Variants in GLRX3 observed in about 807,000 individuals in gnomAD.
GLRX3 encodes the protein glutaredoxin-3.
A neutral mutation model predicts 49.5 loss-of-function variants in GLRX3; 22 were observed. The ratio of observed to expected loss-of-function variants is 0.44; its 90% CI spans 0.32 to 0.63. GLRX3 has a LOEUF of 0.63. GLRX3 is among the 30% of genes least tolerant of loss of function. GLRX3 has a pLI of 0.05. For synonymous variants in GLRX3, 133 were observed against 140.0 expected, an observed-to-expected ratio of 0.95 and a Z score of 0.35; for missense variants, 385 against 396.3, an observed-to-expected ratio of 0.97 and a Z score of 0.24.
chr10:130,175,187 C>T, intron 10 of GLRX3, 98 bp downstream of exon 10: 1 of 739,566 alleles, frequency 1.4e-6, no homozygotes, highest in Non-Finnish European at 2.4e-6. Context: ...TTGTTTTTGA[C>T]TCCTGTTTCC....
In GLRX3 at chr10:130,179,344, A is replaced by T; in HGVS notation, c.960A>T (p.Glu320Asp). The T allele has an allele frequency of 7.2e-7, 1 of 1,389,256 alleles. No individual in the cohort carries two copies. The highest frequency in any genetic ancestry group is 1.0e-6 in the Non-Finnish European group (1 of 990,814). The allele number at this position is 1,389,256 out of a possible 1,614,324, so 86.1% of individuals were successfully genotyped here. A position where few individuals can be genotyped will look rare whatever the true frequency, so the allele number is the denominator to read the frequency against. Residue 320 changes from glutamate (E) to aspartate (D), a missense_variant and splice_region_variant, in exon 11 of 11, where the codon GAA becomes GAT. Physicochemically the swap from Glu to Asp is conservative, Grantham distance 45. This residue lies in a region of GLRX3 where 11 missense variants were observed against 37.6 expected (regional missense o/e 0.29). Transcript: ENST00000331244. ...TTATTGTTGTTTTTTATTTTTAGGA[A>T]CTGAAAGAAAATGGTGAATTGCTGC... is the stretch of plus-strand genomic sequence containing the variant. Reference protein sequence around the residue: ...ELVGGLDIVKELKENGELLPI... With the variant: ...ELVGGLDIVKDLKENGELLPI...
At chr10:130,169,544 C>A in intron 7 of GLRX3, 54 bp downstream of exon 7, 2 of 1,086,730 alleles carry the variant, frequency 1.8e-6, no homozygotes, top group Non-Finnish European at 2.9e-6. Context: ...TTAACATCTG[C>A]AACAAGGGGA....
chr10:130,163,008 A>T (rs1273861162), intron 4 of GLRX3, among the ~76,000 whole-genome samples: 1 of 152,214 alleles, frequency 6.6e-6, no homozygotes. Context: ...TTACTTTATT[A>T]AACTGAATTT....
intron 2 of GLRX3, among the ~76,000 whole-genome samples, chr10:130,151,713 T>A (rs1005744020): frequency 4.6e-5 from 7 of 152,236 alleles, no homozygotes; most frequent in Non-Finnish European, 1.0e-4. Flanking sequence ...ATCCTTTTTT[T>A]ATGGCTGCAT....
At chr10:130,170,712 T>C (rs554191775) in intron 7 of GLRX3, among the ~76,000 whole-genome samples, 69 of 152,328 alleles carry the variant, frequency 4.5e-4, no homozygotes, top group Non-Finnish European at 9.1e-4. Flanking sequence ...AACAATGTTA[T>C]TGGGGCTATT....
intron 4 of GLRX3, 22 bp downstream of exon 4, chr10:130,161,019 A>G (rs573511335): frequency 1.3e-6 from 2 of 1,554,468 alleles, no homozygotes; most frequent in East Asian, 2.2e-5. Flanking sequence ...CCTTTAACAT[A>G]ATATAAACAA....
chr10:130,147,670 AG>A (rs148883559), intron 2 of GLRX3, among the ~76,000 whole-genome samples: 16,122 of 152,258 alleles, frequency 0.11, 1,571 homozygotes, highest in African/African-American at 0.26. Flanking sequence ...TTTGTAAGGC[AG>A]CTAATTAAAA....
intron 1 of GLRX3, among the ~76,000 whole-genome samples, chr10:130,142,200 C>T (rs866421529): frequency 2.6e-5 from 4 of 152,270 alleles, no homozygotes; most frequent in Middle Eastern, 3.4e-3. Flanking sequence ...TGTGGACACT[C>T]TCCCTTCATC....
intron 4 of GLRX3, among the ~76,000 whole-genome samples, chr10:130,164,232 C>G (rs938612428): frequency 6.6e-6 from 1 of 152,176 alleles, no homozygotes; most frequent in African/African-American, 2.4e-5. Context: ...TTACTCTGTG[C>G]TCCTCATGAA....
intron 2 of GLRX3, among the ~76,000 whole-genome samples, chr10:130,145,661 C>CTAAA (rs758674493): frequency 3.6e-4 from 54 of 151,280 alleles, no homozygotes; most frequent in Middle Eastern, 3.2e-3. Context: ...GACGCTGTCT[C>CTAAA]TAAATAAATA....
chr10:130,148,888 C>T lies in GLRX3; in HGVS notation c.201+3569C>T, dbSNP rs1231149989. ...GACCAGCCTGGGCAACATAGGGAGACTTCATCTCTACAGAATAAAAATTTA... is the reference window on the plus strand; with the variant it reads ...GACCAGCCTGGGCAACATAGGGAGATTTCATCTCTACAGAATAAAAATTTA... On this transcript the variant is annotated intron_variant, in intron 2 of 10. Transcript: ENST00000331244. Among the ~76,000 whole-genome samples, 3 of 151,938 alleles carry T rather than the reference C, an allele frequency of 2.0e-5. No homozygotes were observed. The East Asian group carries it at 5.8e-4, about 30-fold the overall frequency.
At chr10:130,145,159 G>T (rs7073590) in intron 1 of GLRX3, 52 bp from the exon 2 acceptor site, 397,542 of 729,460 alleles carry the variant, frequency 0.54, 110,790 homozygotes, top group African/African-American at 0.66. Context: ...CAGTATTTGT[G>T]TATTTCCAAA....
chr10:130,170,126 G>A lies in GLRX3; in HGVS notation c.771+636G>A, dbSNP rs187575649. ...TCAGAGTGGTAATTTCCAGAAACCA[G>A]CCATACACATTTATATCATATTTTG... is the stretch of plus-strand genomic sequence containing the variant. On this transcript the variant is annotated intron_variant, in intron 7 of 10. Coordinates refer to ENST00000331244, the MANE Select transcript of GLRX3 (RefSeq NM_006541.5). Among the ~76,000 whole-genome samples, 16 of 152,294 alleles carry A rather than the reference G, an allele frequency of 1.1e-4. 1 individual carries two copies. The East Asian group carries it at 3.1e-3, about 29-fold the overall frequency.
At chr10:130,144,353 C>T (rs1862230675) in intron 1 of GLRX3, among the ~76,000 whole-genome samples, 1 of 144,610 alleles carries the variant, frequency 6.9e-6, no homozygotes, top group Admixed American at 7.1e-5. Flanking sequence ...AGGTTTCTTA[C>T]ATAGGTATGC....
At chr10:130,154,924 GA>G (rs1347125967) in intron 2 of GLRX3, among the ~76,000 whole-genome samples, 1 of 152,180 alleles carries the variant, frequency 6.6e-6, no homozygotes, top group Non-Finnish European at 1.5e-5. Context: ...GGATAGGTGG[GA>G]TACTTTATTT....
At chr10:130,150,252 A>AAAAG (rs1295826260) in intron 2 of GLRX3, among the ~76,000 whole-genome samples, 2 of 151,494 alleles carry the variant, frequency 1.3e-5, no homozygotes, top group African/African-American at 4.8e-5. Flanking sequence ...AAAAAAAAAA[A>AAAAG]AAAGAAAGAA....
At chr10:130,176,072 T>C (rs1044854999) in intron 10 of GLRX3, among the ~76,000 whole-genome samples, 19 of 152,252 alleles carry the variant, frequency 1.2e-4, no homozygotes, top group African/African-American at 4.6e-4. Flanking sequence ...GGAAAACAAA[T>C]AGCAAGTAGT....
chr10:130,144,303 T>C (rs1271692439), intron 1 of GLRX3, among the ~76,000 whole-genome samples: 8 of 148,220 alleles, frequency 5.4e-5, no homozygotes, highest in Non-Finnish European at 1.0e-4. Flanking sequence ...TTTTTTTTTT[T>C]CGTTTACTTT....
At chr10:130,157,970 A>T (rs57923853) in intron 2 of GLRX3, among the ~76,000 whole-genome samples, 40,541 of 151,996 alleles carry the variant, frequency 0.27, 5,398 homozygotes, top group South Asian at 0.34. Context: ...TTAGGACTTC[A>T]GATGCCCTTG....
Sources: allele counts gnomAD v4.1 joint callset (sites outside exome capture counted in the v4.1 genomes callset), GRCh38; gene constraint gnomAD v4.1.1; regional missense constraint gnomAD v4.1.1; transcripts MANE v1.5; gene names NCBI Gene and HGNC (gene_info 2026-07-23, HGNC 2026-07-21).